Variants in NKAIN2 observed in about 807,000 individuals in gnomAD.
NKAIN2 encodes sodium/potassium-transporting ATPase subunit beta-1-interacting protein 2.
In NKAIN2, 14 loss-of-function variants were observed where a neutral mutation model predicts 32.6. The ratio of observed to expected loss-of-function variants is 0.43; its 90% CI spans 0.28 to 0.67. The LOEUF is 0.67. NKAIN2 is among the 30% of genes least tolerant of loss of function. The probability of loss-of-function intolerance (pLI) is 0.17; values close to 1 mark genes in which losing one functional copy is unlikely to be tolerated. For missense variants in NKAIN2, 198 were observed against 258.3 expected (o/e 0.77, Z 1.60); for synonymous variants, 80 against 87.2 (o/e 0.92, Z 0.46).
At position 124,267,193 on chromosome 6, in the gene NKAIN2, C is replaced by T. The variant is rs563585701; in HGVS notation, c.55-15812C>T. 1.1e-4 allele frequency among the ~76,000 whole-genome samples: 17 copies of T among 152,256 alleles called. No homozygotes were observed. In the South Asian group the frequency reaches 3.5e-3, roughly 32 times the overall value. ...TCCTGCTGAGATTGTCAAGCAAGGA[C>T]AAATGGATGTACAGGATCCTGATTA... On this transcript the variant is annotated intron_variant, in intron 1 of 6. Coordinates refer to ENST00000368417, the MANE Select transcript of NKAIN2 (RefSeq NM_001040214.3).
intron 3 of NKAIN2, among the ~76,000 whole-genome samples, chr6:124,494,398 T>C (rs1156718979): frequency 1.3e-5 from 2 of 152,116 alleles, no homozygotes; most frequent in Non-Finnish European, 2.9e-5. Flanking sequence ...TAAGCGGCAG[T>C]ATTTCAAATA....
chr6:123,902,298 G>A (rs976399100), intron 1 of NKAIN2, among the ~76,000 whole-genome samples: 3 of 152,108 alleles, frequency 2.0e-5, no homozygotes, highest in African/African-American at 7.2e-5. Context: ...GGCCTGTGAG[G>A]ATGGAAGTTT....
intron 3 of NKAIN2, among the ~76,000 whole-genome samples, chr6:124,440,664 A>G (rs1775649446): frequency 6.6e-6 from 1 of 152,054 alleles, no homozygotes; most frequent in South Asian, 2.1e-4. Flanking sequence ...TCACCTTCTA[A>G]TGATCAATAT....
chr6:124,682,957 G>A (rs144867641), intron 4 of NKAIN2, among the ~76,000 whole-genome samples: 7 of 152,174 alleles, frequency 4.6e-5, no homozygotes, highest in Admixed American at 1.3e-4. Context: ...TCATGCTTCC[G>A]AAGTCGTGGG....
At chr6:124,657,438 A>G (rs1327771268) in intron 3 of NKAIN2, among the ~76,000 whole-genome samples, 3 of 152,148 alleles carry the variant, frequency 2.0e-5, no homozygotes, top group African/African-American at 7.2e-5. Context: ...AAGCTCTCTG[A>G]GTGCAAAATT....
At chr6:124,032,887 A>G (rs1296522724) in intron 1 of NKAIN2, among the ~76,000 whole-genome samples, 1 of 152,044 alleles carries the variant, frequency 6.6e-6, no homozygotes, top group East Asian at 1.9e-4. Context: ...CCTCTCTGGT[A>G]ATGTTTGTTT....
intron 3 of NKAIN2, among the ~76,000 whole-genome samples, chr6:124,358,840 C>T (rs1197179943): frequency 2.6e-5 from 4 of 151,126 alleles, no homozygotes; most frequent in African/African-American, 9.7e-5. Flanking sequence ...GACATGAAGT[C>T]CTTGCCCATG....
chr6:124,524,840 T>C (rs1402121467), intron 3 of NKAIN2, among the ~76,000 whole-genome samples: 2 of 152,240 alleles, frequency 1.3e-5, no homozygotes, highest in East Asian at 3.8e-4. Flanking sequence ...ATAGGCAATT[T>C]TGACATTATT....
chr6:124,231,431 A>G (rs923279832), intron 1 of NKAIN2, among the ~76,000 whole-genome samples: 2 of 152,126 alleles, frequency 1.3e-5, no homozygotes, highest in East Asian at 3.9e-4. Context: ...TGAAATGTAA[A>G]GACATGAGAT....
intron 1 of NKAIN2, among the ~76,000 whole-genome samples, chr6:123,989,821 C>T (rs1779337288): frequency 6.6e-6 from 1 of 152,016 alleles, no homozygotes; most frequent in South Asian, 2.1e-4. Flanking sequence ...GGATAAAAAT[C>T]AGTGGGGATA....
chr6:124,139,072 A>T (rs1179962769), intron 1 of NKAIN2, among the ~76,000 whole-genome samples: 1 of 116,914 alleles, frequency 8.6e-6, no homozygotes, highest in Non-Finnish European at 1.7e-5. Context: ...AACTTTTTTA[A>T]ATAAAAATTT....
chr6:124,755,209 A>G (rs763662274), intron 4 of NKAIN2, among the ~76,000 whole-genome samples: 1 of 152,136 alleles, frequency 6.6e-6, no homozygotes, highest in Non-Finnish European at 1.5e-5. Context: ...CTGGAGTCTG[A>G]TGTCCAAAGG....
At chr6:123,978,483 T>A (rs1778744010) in intron 1 of NKAIN2, among the ~76,000 whole-genome samples, 1 of 152,178 alleles carries the variant, frequency 6.6e-6, no homozygotes, top group African/African-American at 2.4e-5. Flanking sequence ...TGCAAATTCA[T>A]ACATCAAAAG....
intron 3 of NKAIN2, among the ~76,000 whole-genome samples, chr6:124,516,211 A>T (rs1243354620): frequency 6.6e-6 from 1 of 152,146 alleles, no homozygotes; most frequent in East Asian, 1.9e-4. Flanking sequence ...AAAAAGAGAA[A>T]GCAGAATAGA....
rs1781478448 is a variant in NKAIN2 at position 124,823,559 on chromosome 6, C to G, written c.*330C>G. ...TGTGTTGATGCCCAACGGTTGCCGG[C>G]CATTGCTAACTCCTCTGCAGCCCAG... On this transcript the variant is annotated 3_prime_UTR_variant, in exon 7 of 7. Coordinates refer to ENST00000368417, the MANE Select transcript of NKAIN2 (RefSeq NM_001040214.3). 1 of 285,620 alleles carries G rather than the reference C, an allele frequency of 3.5e-6. No individual in the cohort carries two copies. Among genetic ancestry groups the G allele is most frequent in the South Asian group, 7.2e-5 (1 of 13,870 alleles). The allele number at this position is 285,620 out of a possible 1,614,324, so 17.7% of individuals were successfully genotyped here.
chr6:124,597,682 A>G (rs1403619262), intron 3 of NKAIN2, among the ~76,000 whole-genome samples: 1 of 152,172 alleles, frequency 6.6e-6, no homozygotes, highest in Non-Finnish European at 1.5e-5. Flanking sequence ...AGCCACTCAC[A>G]GAATTCCAAG....
intron 3 of NKAIN2, among the ~76,000 whole-genome samples, chr6:124,592,828 G>A (rs988043432): frequency 2.0e-5 from 3 of 152,140 alleles, no homozygotes; most frequent in Non-Finnish European, 4.4e-5. Flanking sequence ...AGTATTCCGT[G>A]TAGAGTCCTT....
In NKAIN2 at chr6:124,652,016, G is replaced by C. The variant is rs137915502; in HGVS notation, c.274-6170G>C. Among the ~76,000 whole-genome samples, 54 of 152,100 alleles carry C rather than the reference G, an allele frequency of 3.6e-4. No individual in the cohort carries two copies. The East Asian group carries it at 9.3e-3, about 26-fold the overall frequency. ...CTTTAAATCATTTTATTTAAATCTA[G>C]TTTTGTCTTTAAATAATTTATTTCT... On this transcript the variant is annotated intron_variant, in intron 3 of 6. Coordinates refer to ENST00000368417, the MANE Select transcript of NKAIN2 (RefSeq NM_001040214.3).
chr6:124,085,466 C>A (rs551227339), intron 1 of NKAIN2, among the ~76,000 whole-genome samples: 1 of 150,994 alleles, frequency 6.6e-6, no homozygotes, highest in Non-Finnish European at 1.5e-5. Context: ...TAGGCAGTGG[C>A]CCTTTGTGTT....
Sources: gnomAD v4.1 joint callset for allele counts (sites outside exome capture counted in the v4.1 genomes callset) on GRCh38, gnomAD v4.1.1 for gene constraint, MANE v1.5 for transcripts, NCBI Gene and HGNC (gene_info 2026-07-23, HGNC 2026-07-21) for gene names.